Variants in NOS1AP observed in about 807,000 individuals in gnomAD.
NOS1AP encodes the protein nitric oxide synthase 1 adaptor protein, also known as carboxyl-terminal PDZ ligand of neuronal nitric oxide synthase protein.
Under a neutral mutation model 56.2 loss-of-function variants are expected in NOS1AP, and 21 were observed. The ratio of observed to expected loss-of-function variants is 0.37; its 90% CI spans 0.26 to 0.54. NOS1AP has a LOEUF of 0.54. Ranked by LOEUF, NOS1AP falls within the 20% of genes least tolerant of loss-of-function variation. The pLI is 0.84. For synonymous variants in NOS1AP, 270 were observed against 274.6 expected (o/e 0.98, Z 0.17); for missense variants, 522 against 657.8 (o/e 0.79, Z 2.26).
chr1:162,127,060 C>A (rs1444278725), intron 1 of NOS1AP, among the ~76,000 whole-genome samples: 1 of 151,954 alleles, frequency 6.6e-6, no homozygotes, highest in Non-Finnish European at 1.5e-5. Context: ...CATTTAAGGG[C>A]CATTGGCATT....
At chr1:162,299,620 T>A (rs571429114) in intron 3 of NOS1AP, among the ~76,000 whole-genome samples, 1 of 152,152 alleles carries the variant, frequency 6.6e-6, no homozygotes, top group Admixed American at 6.5e-5. Flanking sequence ...TTTAAAAAAA[T>A]ATTTAGTTTT....
chr1:162,336,103 C>G (rs1656932334), intron 5 of NOS1AP, among the ~76,000 whole-genome samples: 1 of 152,184 alleles, frequency 6.6e-6, no homozygotes, highest in African/African-American at 2.4e-5. Context: ...CTTCTATACT[C>G]TAGATTATCT....
chr1:162,080,485 G>C (rs1180174046), intron 1 of NOS1AP, among the ~76,000 whole-genome samples: 1 of 152,152 alleles, frequency 6.6e-6, no homozygotes, highest in Non-Finnish European at 1.5e-5. Flanking sequence ...TCCCTACCAA[G>C]GGGCCTGCCC....
intron 6 of NOS1AP, among the ~76,000 whole-genome samples, chr1:162,347,742 C>T (rs1297495995): frequency 6.6e-6 from 1 of 152,176 alleles, no homozygotes; most frequent in African/African-American, 2.4e-5. Context: ...AGGATCACTT[C>T]CTATACTTTT....
chr1:162,087,425 C>T (rs1232859694), intron 1 of NOS1AP, among the ~76,000 whole-genome samples: 1 of 152,144 alleles, frequency 6.6e-6, no homozygotes, highest in Non-Finnish European at 1.5e-5. Context: ...TTTGTCTACT[C>T]TTTATTCAGC....
chr1:162,142,351 G>A (rs75116226), intron 1 of NOS1AP, among the ~76,000 whole-genome samples: 2,993 of 152,198 alleles, frequency 0.02, 101 homozygotes, highest in African/African-American at 0.068. Flanking sequence ...GTGGGTTTTT[G>A]TAGAAGCCCT....
At chr1:162,321,916 G>A (rs1305751359) in intron 4 of NOS1AP, among the ~76,000 whole-genome samples, 3 of 99,024 alleles carry the variant, frequency 3.0e-5, no homozygotes, top group East Asian at 4.7e-4. Context: ...AAGGGAAGAG[G>A]GAGAAGGGGG....
At chr1:162,099,626 CT>C (rs1346851849) in intron 1 of NOS1AP, among the ~76,000 whole-genome samples, 1 of 80,646 alleles carries the variant, frequency 1.2e-5, no homozygotes, top group Non-Finnish European at 2.5e-5. Flanking sequence ...TGTATGTTTT[CT>C]TTTTTTTAAA....
chr1:162,360,533 G>C (rs907500221), intron 8 of NOS1AP: 3 of 333,966 alleles, frequency 9.0e-6, no homozygotes, highest in African/African-American at 4.3e-5. Flanking sequence ...CCTGAGGAAA[G>C]TGTTAGTACA....
chr1:162,173,864 A>G (rs1210907955), intron 2 of NOS1AP, among the ~76,000 whole-genome samples: 12 of 152,226 alleles, frequency 7.9e-5, no homozygotes, highest in Admixed American at 1.3e-4. Flanking sequence ...ATGAGATACC[A>G]TCTCACACCA....
intron 2 of NOS1AP, among the ~76,000 whole-genome samples, chr1:162,170,250 T>C (rs981550663): frequency 1.3e-5 from 2 of 152,226 alleles, no homozygotes; most frequent in African/African-American, 4.8e-5. Flanking sequence ...GCTCACTACA[T>C]GCCAGTTCTA....
chr1:162,274,758 TGA>T (rs1654686356), intron 2 of NOS1AP, among the ~76,000 whole-genome samples: 1 of 152,212 alleles, frequency 6.6e-6, no homozygotes, highest in Non-Finnish European at 1.5e-5. Flanking sequence ...TTCCTAGGCA[TGA>T]GCCTCACCTG....
At chr1:162,197,378 G>C (rs895100043) in intron 2 of NOS1AP, among the ~76,000 whole-genome samples, 1 of 152,348 alleles carries the variant, frequency 6.6e-6, no homozygotes, top group East Asian at 1.9e-4. Flanking sequence ...GCACACGCAT[G>C]ATGGTGCTCT....
At chr1:162,345,127 T>C (rs1481098564) in intron 6 of NOS1AP, among the ~76,000 whole-genome samples, 1 of 151,670 alleles carries the variant, frequency 6.6e-6, no homozygotes, top group African/African-American at 2.4e-5. Flanking sequence ...ATCTATAAAT[T>C]TAACATGACA....
intron 2 of NOS1AP, among the ~76,000 whole-genome samples, chr1:162,158,390 TTAAC>T (rs1650058248): frequency 6.6e-6 from 1 of 152,220 alleles, no homozygotes. Flanking sequence ...ATCCATTCAT[TTAAC>T]TATGAACATT....
chr1:162,117,577 G>A (rs1648018516), intron 1 of NOS1AP, among the ~76,000 whole-genome samples: 1 of 152,202 alleles, frequency 6.6e-6, no homozygotes, highest in African/African-American at 2.4e-5. Flanking sequence ...CCTCAGCTGG[G>A]ACTGCTGACC....
At chr1:162,230,065 G>A (rs2101667476) in intron 2 of NOS1AP, among the ~76,000 whole-genome samples, 1 of 152,302 alleles carries the variant, frequency 6.6e-6, no homozygotes, top group South Asian at 2.1e-4. Context: ...CTAGGGCTGA[G>A]TGAGAGTGTC....
intron 1 of NOS1AP, among the ~76,000 whole-genome samples, chr1:162,143,767 A>G (rs1649336257): frequency 6.6e-6 from 1 of 152,046 alleles, no homozygotes; most frequent in Admixed American, 6.6e-5. Context: ...TGGCCCATCT[A>G]ATTTTGATTC....
chr1:162,098,102 C>CT (rs35307081), intron 1 of NOS1AP, among the ~76,000 whole-genome samples: 911 of 80,544 alleles, frequency 0.011, 29 homozygotes, highest in African/African-American at 0.024. Context: ...CTCTCTTTTG[C>CT]TTTTTTTTTT....
Sources: allele counts gnomAD v4.1 joint callset (sites outside exome capture counted in the v4.1 genomes callset), GRCh38; gene constraint gnomAD v4.1.1; transcripts MANE v1.5; gene names NCBI Gene and HGNC (gene_info 2026-07-23, HGNC 2026-07-21).